Variants in LRRC4C observed in about 807,000 individuals in gnomAD.
LRRC4C encodes leucine rich repeat containing 4C, also known as leucine-rich repeat-containing protein 4C.
A neutral mutation model predicts 33.6 loss-of-function variants in LRRC4C; 5 were observed. That is an observed-to-expected ratio of 0.15 (90% confidence interval 0.08 to 0.31). The LOEUF (loss-of-function observed/expected upper bound fraction) is 0.31, where lower values mean the gene tolerates loss of function less well. Ranked by LOEUF, LRRC4C falls within the 10% of genes least tolerant of loss-of-function variation. The pLI, the probability that LRRC4C is intolerant of heterozygous loss-of-function variation, is 1.00. For synonymous variants in LRRC4C, 329 were observed against 302.0 expected, an observed-to-expected ratio of 1.09 and a Z score of -0.93; for missense variants, 560 against 796.7, an observed-to-expected ratio of 0.70 and a Z score of 3.58.
intron 1 of LRRC4C, among the ~76,000 whole-genome samples, chr11:41,107,814 G>A (rs1941596149): frequency 6.6e-6 from 1 of 152,080 alleles, no homozygotes; most frequent in Non-Finnish European, 1.5e-5. Context: ...GATGGCACCT[G>A]TATTCCCAGC....
At chr11:40,670,829 C>G (rs1944057233) in intron 2 of LRRC4C, among the ~76,000 whole-genome samples, 1 of 152,048 alleles carries the variant, frequency 6.6e-6, no homozygotes, top group Non-Finnish European at 1.5e-5. Flanking sequence ...AGTGACGCAT[C>G]CTCGGCTCAC....
chr11:41,170,322 GCTGGAGGCA>G (rs1944916255), intron 1 of LRRC4C, among the ~76,000 whole-genome samples: 1 of 152,112 alleles, frequency 6.6e-6, no homozygotes, highest in South Asian at 2.1e-4. Flanking sequence ...AAAGAACAAA[GCTGGAGGCA>G]TCACGCTACC....
At chr11:40,146,075 T>G (rs528437560) in intron 5 of LRRC4C, among the ~76,000 whole-genome samples, 2 of 152,280 alleles carry the variant, frequency 1.3e-5, no homozygotes, top group East Asian at 1.9e-4. Context: ...CTGATTGACC[T>G]CTTGCTCTAA....
chr11:40,129,588 G>C (rs971859398), intron 6 of LRRC4C, among the ~76,000 whole-genome samples: 4 of 152,136 alleles, frequency 2.6e-5, no homozygotes, highest in Admixed American at 2.6e-4. Flanking sequence ...AGGGAGGACT[G>C]GATTAGCTTT....
In LRRC4C at chr11:40,490,653, C is replaced by G. The variant is rs556408548; in HGVS notation, c.-270+157489G>C. On this transcript the variant is annotated intron_variant, in intron 3 of 6. Coordinates refer to ENST00000528697, the MANE Select transcript of LRRC4C (RefSeq NM_001258419.2). ...TGCAACATCTATGGAAAACGCTTCT[C>G]CTTTTCCACTGGTGAAGATACTGAA... 1.1e-3 allele frequency among the ~76,000 whole-genome samples: 174 copies of G among 152,250 alleles called. 1 individual carries two copies. The Middle Eastern group carries it at 0.014, about 12-fold the overall frequency.
intron 1 of LRRC4C, among the ~76,000 whole-genome samples, chr11:41,206,246 A>G (rs1590932127): frequency 6.6e-6 from 1 of 152,300 alleles, no homozygotes; most frequent in East Asian, 1.9e-4. Flanking sequence ...TTTCTAATAC[A>G]AATGTAAGAG....
rs562290748 is a variant in LRRC4C at position 40,551,718 on chromosome 11, G to A, written c.-270+96424C>T. Among the ~76,000 whole-genome samples the A allele has an allele frequency of 1.5e-4, 23 of 152,206 alleles. No individual in the cohort carries two copies. In the South Asian group the frequency reaches 4.8e-3, roughly 32 times the overall value. On this transcript the variant is annotated intron_variant, in intron 3 of 6. Transcript: ENST00000528697. Reference sequence around the variant, plus strand: ...GTTCATTATCTCACTTCATCTGGTAGAATATAAGTTCCACAAATTGTACGT... The same window carrying A: ...GTTCATTATCTCACTTCATCTGGTAAAATATAAGTTCCACAAATTGTACGT...
At chr11:41,314,873 T>G (rs1271481338) in intron 1 of LRRC4C, among the ~76,000 whole-genome samples, 1 of 152,162 alleles carries the variant, frequency 6.6e-6, no homozygotes, top group Non-Finnish European at 1.5e-5. Context: ...GGAATTTTCA[T>G]TCTCCTGGAA....
rs1413729161 is a variant in LRRC4C, at chr11:40,166,322, C to T, written c.-95-25469G>A. ...GCCTTACAAAAATACGAATGAATTTCACAAATATAGACAAAAGAAGCTTGA... is the reference window on the plus strand; with the variant it reads ...GCCTTACAAAAATACGAATGAATTTTACAAATATAGACAAAAGAAGCTTGA... On this transcript the variant is annotated intron_variant, in intron 5 of 6. Transcript: ENST00000528697. Among the ~76,000 whole-genome samples, 4 of 152,228 alleles carry T rather than the reference C, an allele frequency of 2.6e-5. No homozygotes were observed. The East Asian group carries it at 5.8e-4, about 22-fold the overall frequency.
chr11:40,228,643 C>A (rs1005701601), intron 5 of LRRC4C, among the ~76,000 whole-genome samples: 2 of 152,204 alleles, frequency 1.3e-5, no homozygotes, highest in African/African-American at 4.8e-5. Context: ...CATCCACTAA[C>A]AATGATCCCT....
intron 3 of LRRC4C, among the ~76,000 whole-genome samples, chr11:40,594,382 C>A (rs1959177498): frequency 6.6e-6 from 1 of 152,174 alleles, no homozygotes. Flanking sequence ...ATACTGGGGA[C>A]CTTGCCCTAG....
At chr11:40,720,171 T>C (rs964186630) in intron 2 of LRRC4C, among the ~76,000 whole-genome samples, 1 of 152,198 alleles carries the variant, frequency 6.6e-6, no homozygotes, top group Non-Finnish European at 1.5e-5. Flanking sequence ...GTTGTAGCAC[T>C]GTCTCATCTC....
intron 3 of LRRC4C, among the ~76,000 whole-genome samples, chr11:40,370,245 G>T (rs967022329): frequency 1.3e-5 from 2 of 152,040 alleles, no homozygotes; most frequent in African/African-American, 4.8e-5. Context: ...CCAGCCAGCT[G>T]GGACTTCACA....
chr11:40,450,871 T>C (rs938672573), intron 3 of LRRC4C, among the ~76,000 whole-genome samples: 1 of 151,310 alleles, frequency 6.6e-6, no homozygotes, highest in African/African-American at 2.4e-5. Context: ...TTTTGGAAAT[T>C]CGCAAACATG....
intron 1 of LRRC4C, among the ~76,000 whole-genome samples, chr11:41,392,993 T>C (rs1307280814): frequency 6.6e-6 from 1 of 151,812 alleles, no homozygotes; most frequent in Admixed American, 6.6e-5. Flanking sequence ...ATATACCTGT[T>C]TTATTGTTAT....
chr11:40,711,571 A>T (rs1420032061), intron 2 of LRRC4C, among the ~76,000 whole-genome samples: 1 of 152,176 alleles, frequency 6.6e-6, no homozygotes, highest in Non-Finnish European at 1.5e-5. Flanking sequence ...AAAATATAAG[A>T]TTATATTTAT....
chr11:40,128,057 T>C (rs1381566), intron 6 of LRRC4C, among the ~76,000 whole-genome samples: 2 of 152,038 alleles, frequency 1.3e-5, no homozygotes, highest in Non-Finnish European at 2.9e-5. Context: ...AAAAACCAGC[T>C]TTAGAGTAAA....
intron 2 of LRRC4C, among the ~76,000 whole-genome samples, chr11:40,676,472 G>A (rs60926101): frequency 0.031 from 4,762 of 152,146 alleles, 182 homozygotes; most frequent in African/African-American, 0.099. Flanking sequence ...TACAGATTTG[G>A]GGCAGTTCCA....
chr11:40,235,580 T>C (rs975402991), intron 5 of LRRC4C, among the ~76,000 whole-genome samples: 2 of 152,168 alleles, frequency 1.3e-5, no homozygotes, highest in Admixed American at 1.3e-4. Flanking sequence ...CCTAAGTGTA[T>C]GGATAAGGCA....
Sources: gnomAD v4.1 joint callset for allele counts (sites outside exome capture counted in the v4.1 genomes callset) on GRCh38, gnomAD v4.1.1 for gene constraint, MANE v1.5 for transcripts, NCBI Gene and HGNC (gene_info 2026-07-23, HGNC 2026-07-21) for gene names.